SORCS3: variants seen among roughly 807,000 people sequenced by gnomAD.
The protein encoded by SORCS3 is VPS10 domain-containing receptor SorCS3.
A neutral mutation model predicts 146.3 loss-of-function variants in SORCS3; 57 were observed. That is an observed-to-expected ratio of 0.39 (90% CI 0.31 to 0.49). SORCS3 has a LOEUF of 0.49. SORCS3 is among the 20% of genes least tolerant of loss of function. The pLI is 0.92. For missense variants in SORCS3, 1,341 were observed against 1,575.5 expected (o/e 0.85, Z 2.52); for synonymous variants, 653 against 618.5 (o/e 1.06, Z -0.83).
intron 1 of SORCS3, among the ~76,000 whole-genome samples, chr10:104,769,148 G>A (rs1340226835): frequency 6.6e-6 from 1 of 152,212 alleles, no homozygotes; most frequent in Admixed American, 6.5e-5. Flanking sequence ...AGAAAGTGGA[G>A]CCAACATGTA....
intron 20 of SORCS3, among the ~76,000 whole-genome samples, chr10:105,243,053 TTATATATTTA>T (rs1194657763): frequency 2.0e-4 from 27 of 136,762 alleles, no homozygotes; most frequent in African/African-American, 2.4e-4. Context: ...TTATATATAT[TTATATATTTA>T]TATATATTTA....
chr10:105,074,958 C>G (rs2055579502), intron 5 of SORCS3, among the ~76,000 whole-genome samples: 1 of 152,108 alleles, frequency 6.6e-6, no homozygotes, highest in African/African-American at 2.4e-5. Context: ...TGAAAATTGC[C>G]CAAGGCAGCA....
chr10:104,917,396 T>G (rs2133601180), intron 3 of SORCS3, among the ~76,000 whole-genome samples: 1 of 152,376 alleles, frequency 6.6e-6, no homozygotes, highest in South Asian at 2.1e-4. Context: ...TATGTGTTTA[T>G]ATTGTACAAC....
chr10:105,210,364 C>T (rs563444247), intron 16 of SORCS3, among the ~76,000 whole-genome samples: 1 of 152,156 alleles, frequency 6.6e-6, no homozygotes, highest in African/African-American at 2.4e-5. Context: ...AGTGAAGCTA[C>T]CCTCAATGAT....
intron 1 of SORCS3, among the ~76,000 whole-genome samples, chr10:104,695,787 T>C (rs1405744773): frequency 6.6e-6 from 1 of 151,624 alleles, no homozygotes; most frequent in Non-Finnish European, 1.5e-5. Flanking sequence ...ATCGACTTCA[T>C]CCTTTTTAAT....
At chr10:105,065,683 A>G (rs1225256985) in intron 5 of SORCS3, among the ~76,000 whole-genome samples, 1 of 152,218 alleles carries the variant, frequency 6.6e-6, no homozygotes, top group African/African-American at 2.4e-5. Flanking sequence ...GAAGTTGGTC[A>G]TTCTAAGAAG....
intron 1 of SORCS3, among the ~76,000 whole-genome samples, chr10:104,784,527 G>C (rs372360180): frequency 6.6e-6 from 1 of 152,130 alleles, no homozygotes; most frequent in African/African-American, 2.4e-5. Flanking sequence ...AGTGTTTTCC[G>C]GACAATGCAG....
chr10:105,088,809 C>G (rs1589626488), intron 5 of SORCS3, among the ~76,000 whole-genome samples: 2 of 152,200 alleles, frequency 1.3e-5, no homozygotes, highest in Admixed American at 1.3e-4. Context: ...AGTATCAGCT[C>G]TTGGGTCTCA....
chr10:104,797,601 T>C (rs1162440973), intron 1 of SORCS3, among the ~76,000 whole-genome samples: 1 of 152,190 alleles, frequency 6.6e-6, no homozygotes, highest in African/African-American at 2.4e-5. Flanking sequence ...ATTTATTTCA[T>C]CTAATCTTTA....
At chr10:104,980,171 G>A (rs1345806355) in intron 4 of SORCS3, among the ~76,000 whole-genome samples, 1 of 152,188 alleles carries the variant, frequency 6.6e-6, no homozygotes, top group Non-Finnish European at 1.5e-5. Context: ...GGCAGTGGGT[G>A]TTGATGGATT....
At chr10:104,888,489 A>G (rs1406228749) in intron 2 of SORCS3, among the ~76,000 whole-genome samples, 3 of 152,200 alleles carry the variant, frequency 2.0e-5, no homozygotes, top group Non-Finnish European at 2.9e-5. Flanking sequence ...TGTGCTACCA[A>G]TGCAAAGTGA....
intron 3 of SORCS3, among the ~76,000 whole-genome samples, chr10:104,964,040 C>T (rs1564723489): frequency 6.6e-6 from 1 of 152,096 alleles, no homozygotes; most frequent in East Asian, 1.9e-4. Context: ...TCATCTGTCC[C>T]TTCTGATCAT....
intron 4 of SORCS3, among the ~76,000 whole-genome samples, chr10:105,017,975 T>A (rs751650071): frequency 5.3e-5 from 8 of 152,182 alleles, no homozygotes; most frequent in Non-Finnish European, 1.2e-4. Context: ...AGTTTCTAAG[T>A]TTTACATGTG....
intron 20 of SORCS3, among the ~76,000 whole-genome samples, chr10:105,233,564 A>T (rs956993371): frequency 1.3e-5 from 2 of 151,546 alleles, no homozygotes; most frequent in Non-Finnish European, 2.9e-5. Flanking sequence ...TTAGCCCCCC[A>T]CCCCTCCTTG....
At chr10:104,810,413 A>G (rs2017727368) in intron 1 of SORCS3, among the ~76,000 whole-genome samples, 2 of 152,234 alleles carry the variant, frequency 1.3e-5, no homozygotes, top group African/African-American at 2.4e-5. Flanking sequence ...TGTTAATGGT[A>G]TATGTACTGT....
chr10:105,129,662 T>TACACACAC (rs71022754), intron 7 of SORCS3, among the ~76,000 whole-genome samples: 28,981 of 147,812 alleles, frequency 0.2, 2,787 homozygotes, highest in Middle Eastern at 0.26. Context: ...CCCACTCAAA[T>TACACACAC]ACACACACAC....
intron 3 of SORCS3, among the ~76,000 whole-genome samples, chr10:104,950,989 T>C (rs1175295835): frequency 2.0e-5 from 3 of 152,238 alleles, no homozygotes; most frequent in African/African-American, 7.2e-5. Context: ...GGCTACTTTT[T>C]GACCTGCACA....
chr10:105,153,641 G>GTA (rs774821986), intron 9 of SORCS3, among the ~76,000 whole-genome samples: 7 of 123,576 alleles, frequency 5.7e-5, no homozygotes, highest in Non-Finnish European at 1.1e-4. Flanking sequence ...GAGAGTGTGT[G>GTA]TGTATGTGTG....
At chr10:105,020,997 G>A (rs1362275265) in intron 4 of SORCS3, among the ~76,000 whole-genome samples, 2 of 152,208 alleles carry the variant, frequency 1.3e-5, no homozygotes, top group Non-Finnish European at 2.9e-5. Context: ...AATGTTCAGA[G>A]TGTGTGTCTT....
Sources: gnomAD v4.1 joint callset for allele counts (sites outside exome capture counted in the v4.1 genomes callset) on GRCh38, gnomAD v4.1.1 for gene constraint, MANE v1.5 for transcripts, NCBI Gene and HGNC (gene_info 2026-07-23, HGNC 2026-07-21) for gene names.